The following CSMD3 variants were observed in gnomAD, a reference collection of about 807,000 sequenced individuals.
CSMD3 encodes CUB and sushi domain-containing protein 3.
In CSMD3, 177 loss-of-function variants were observed where a neutral mutation model predicts 435.2. The observed-to-expected ratio is 0.41, with a 90% CI of 0.36 to 0.46. CSMD3 has a LOEUF of 0.46. Ranked by LOEUF, CSMD3 falls within the 20% of genes least tolerant of loss-of-function variation. CSMD3 has a pLI of 0.34. For synonymous variants in CSMD3, 1,656 were observed against 1,520.5 expected, an observed-to-expected ratio of 1.09 and a Z score of -2.07; for missense variants, 4,265 against 4,504.6, an observed-to-expected ratio of 0.95 and a Z score of 1.52.
chr8:113,235,659 G>T (rs1293271936), intron 3 of CSMD3, among the ~76,000 whole-genome samples: 2 of 152,140 alleles, frequency 1.3e-5, no homozygotes, highest in Non-Finnish European at 2.9e-5. Context: ...GTATGTGTGA[G>T]TGTGGTTCCA....
At chr8:113,106,394 A>T (rs546738652) in intron 4 of CSMD3, among the ~76,000 whole-genome samples, 17 of 152,306 alleles carry the variant, frequency 1.1e-4, no homozygotes, top group African/African-American at 3.6e-4. Context: ...GTGGACTTAA[A>T]CACATGGCAA....
At chr8:112,236,532 G>A (rs1008711119) in intron 67 of CSMD3, among the ~76,000 whole-genome samples, 1 of 152,052 alleles carries the variant, frequency 6.6e-6, no homozygotes, top group Non-Finnish European at 1.5e-5. Context: ...AACAGGGTAA[G>A]GCTGCCTAAA....
chr8:113,106,414 T>C (rs979448033), intron 4 of CSMD3, among the ~76,000 whole-genome samples: 6 of 152,108 alleles, frequency 3.9e-5, no homozygotes, highest in Non-Finnish European at 7.4e-5. Context: ...ATAGAAACTA[T>C]TCAGAATGCA....
chr8:112,397,217 G>A (rs1407709197), intron 35 of CSMD3, among the ~76,000 whole-genome samples: 1 of 152,134 alleles, frequency 6.6e-6, no homozygotes, highest in Non-Finnish European at 1.5e-5. Flanking sequence ...ATTAGTAGTT[G>A]CACCAAATGG....
chr8:112,630,946 A>T (rs1248317626), intron 22 of CSMD3, among the ~76,000 whole-genome samples: 1 of 66,570 alleles, frequency 1.5e-5, no homozygotes, highest in Non-Finnish European at 2.7e-5. Context: ...CAGTATTCAC[A>T]CACACACACA....
intron 2 of CSMD3, among the ~76,000 whole-genome samples, chr8:113,306,658 C>T (rs1425974490): frequency 6.6e-6 from 1 of 151,984 alleles, no homozygotes; most frequent in Admixed American, 6.5e-5. Flanking sequence ...ATTGAGGGAG[C>T]AAAGGAGAGA....
intron 3 of CSMD3, among the ~76,000 whole-genome samples, chr8:113,233,717 TA>T (rs1005075504): frequency 8.6e-5 from 13 of 151,748 alleles, no homozygotes; most frequent in South Asian, 2.1e-4. Flanking sequence ...AAGGAAAAGA[TA>T]AAAAAATGCA....
chr8:112,333,456 T>G (rs542303536), intron 45 of CSMD3, among the ~76,000 whole-genome samples: 1 of 152,302 alleles, frequency 6.6e-6, no homozygotes, highest in Non-Finnish European at 1.5e-5. Context: ...CATGAGCCAC[T>G]GCGCCTGGCC....
At chr8:112,428,773 G>A (rs956782320) in intron 32 of CSMD3, among the ~76,000 whole-genome samples, 1 of 151,968 alleles carries the variant, frequency 6.6e-6, no homozygotes, top group African/African-American at 2.4e-5. Context: ...CATCTGTTCC[G>A]TGGATCCTCC....
At chr8:113,332,367 A>C (rs1163776904) in intron 1 of CSMD3, among the ~76,000 whole-genome samples, 1 of 151,472 alleles carries the variant, frequency 6.6e-6, no homozygotes. Context: ...AAAATGAGGT[A>C]TCCCTGTATA....
intron 5 of CSMD3, among the ~76,000 whole-genome samples, chr8:113,082,721 C>A (rs1588036252): frequency 6.6e-6 from 1 of 152,020 alleles, no homozygotes; most frequent in Admixed American, 6.6e-5. Context: ...GAAAACAATT[C>A]TTAATCTGAA....
At chr8:113,352,930 G>T (rs2094199348) in intron 1 of CSMD3, among the ~76,000 whole-genome samples, 1 of 152,140 alleles carries the variant, frequency 6.6e-6, no homozygotes, top group Non-Finnish European at 1.5e-5. Flanking sequence ...AAGAGCAGAA[G>T]AATACACAAT....
intron 3 of CSMD3, among the ~76,000 whole-genome samples, chr8:113,223,828 A>C (rs1298767275): frequency 6.7e-6 from 1 of 150,324 alleles, no homozygotes; most frequent in Non-Finnish European, 1.5e-5. Flanking sequence ...AAGGAAAAAA[A>C]AACATGTTTC....
intron 1 of CSMD3, among the ~76,000 whole-genome samples, chr8:113,318,672 A>G (rs1332157495): frequency 6.6e-6 from 1 of 151,946 alleles, no homozygotes; most frequent in East Asian, 1.9e-4. Flanking sequence ...CATATAGGTG[A>G]TATCTTCCAA....
intron 13 of CSMD3, among the ~76,000 whole-genome samples, chr8:112,731,969 C>T (rs2077084833): frequency 6.6e-6 from 1 of 152,030 alleles, no homozygotes. Context: ...GTTTCCTTGT[C>T]TATGCCAGCA....
intron 9 of CSMD3, among the ~76,000 whole-genome samples, chr8:112,935,759 T>G (rs1206032646): frequency 6.6e-6 from 1 of 151,902 alleles, no homozygotes; most frequent in East Asian, 1.9e-4. Context: ...TTATTCTAAC[T>G]GCAAGGGGGA....
chr8:112,956,776 G>A (rs1021975918), intron 7 of CSMD3, among the ~76,000 whole-genome samples: 1 of 151,994 alleles, frequency 6.6e-6, no homozygotes, highest in African/African-American at 2.4e-5. Flanking sequence ...TAATTATTTG[G>A]TTGGGTAAGG....
At chr8:112,390,600 G>A (rs1341043675) in intron 36 of CSMD3, 64 bp downstream of exon 36, 3 of 1,318,938 alleles carry the variant, frequency 2.3e-6, no homozygotes, top group Admixed American at 1.7e-5. Flanking sequence ...TGTTCATTCT[G>A]TCATCTCTGA....
In CSMD3 at chr8:113,347,247, T is replaced by G. The variant is rs983419919; in HGVS notation, c.179-32454A>C. On this transcript the variant is annotated intron_variant, in intron 1 of 70. Transcript: ENST00000297405. ...ACTTATCTTCCTTTGACACTTACTT[T>G]TCTTCACTGCAGAAACAATATTTTC... Among the ~76,000 whole-genome samples, 14 of 152,318 alleles carry G rather than the reference T, an allele frequency of 9.2e-5. 1 individual carries two copies. In the South Asian group the frequency reaches 2.5e-3, roughly 27 times the overall value.
Sources: gnomAD v4.1 joint callset for allele counts (sites outside exome capture counted in the v4.1 genomes callset) on GRCh38, gnomAD v4.1.1 for gene constraint, MANE v1.5 for transcripts, NCBI Gene and HGNC (gene_info 2026-07-23, HGNC 2026-07-21) for gene names.